The following MAP3K20 variants were observed in gnomAD, a reference collection of about 807,000 sequenced individuals.
MAP3K20 encodes HCCS-4.
In MAP3K20, 40 loss-of-function variants were observed where a neutral mutation model predicts 85.7. The observed-to-expected ratio is 0.47, with a 90% confidence interval of 0.36 to 0.61. MAP3K20 has a LOEUF of 0.61. MAP3K20 is among the 20% of genes least tolerant of loss of function. The pLI, the probability that MAP3K20 is intolerant of heterozygous loss-of-function variation, is 0.00. For missense variants in MAP3K20, 817 were observed against 961.7 expected, an observed-to-expected ratio of 0.85 and a Z score of 1.99; for synonymous variants, 325 against 327.7, an observed-to-expected ratio of 0.99 and a Z score of 0.09.
chr2:173,127,718 A>G (rs544929267), intron 2 of MAP3K20, among the ~76,000 whole-genome samples: 1 of 143,886 alleles, frequency 6.9e-6, no homozygotes, highest in Admixed American at 6.9e-5. Context: ...CATCAGTAAA[A>G]TTTATCCTAT....
At chr2:173,209,593 A>G in intron 9 of MAP3K20, 136 bp from the exon 10 acceptor site, 1 of 651,532 alleles carries the variant, frequency 1.5e-6, no homozygotes. Context: ...TAAAATAACT[A>G]CATCAGGACA....
chr2:173,258,566 A>G, intron 16 of MAP3K20, 133 bp from the exon 17 acceptor site: 1 of 577,582 alleles, frequency 1.7e-6, no homozygotes, highest in Non-Finnish European at 3.0e-6. Flanking sequence ...ATGTCCTTTT[A>G]TTGAAAAAGG....
rs1447119403 is a variant in MAP3K20 at position 173,223,757 on chromosome 2, C to G, written c.988-5932C>G. ...CATGCTACTAGTTTCTCTGTCTATTCACACATATGTACAAATACATGAACA... is the reference window on the plus strand; with the variant it reads ...CATGCTACTAGTTTCTCTGTCTATTGACACATATGTACAAATACATGAACA... On this transcript the variant is annotated intron_variant, in intron 11 of 19. Transcript: ENST00000375213. The G allele has an allele frequency of 3.0e-6, 3 of 985,278 alleles. No individual in the cohort carries two copies. In the African/African-American group the frequency reaches 5.2e-5, roughly 17 times the overall value. 61.0% of individuals were successfully genotyped at this position (985,278 alleles called of 1,614,324 possible).
intron 2 of MAP3K20, among the ~76,000 whole-genome samples, chr2:173,111,533 C>T (rs1326054708): frequency 6.6e-6 from 1 of 152,130 alleles, no homozygotes; most frequent in Non-Finnish European, 1.5e-5. Context: ...CCAATGTTAC[C>T]TTCTAGAATT....
chr2:173,222,362 G>A (rs1289852280), intron 11 of MAP3K20: 23 of 985,748 alleles, frequency 2.3e-5, no homozygotes, highest in Non-Finnish European at 2.3e-5. Context: ...CCTGAGCAGT[G>A]TTCTCAGTAA....
intron 11 of MAP3K20, chr2:173,227,086 ACTTTT>A (rs1363318103): frequency 2.0e-6 from 2 of 985,844 alleles, no homozygotes; most frequent in Non-Finnish European, 2.4e-6. Context: ...TTTGATGTGA[ACTTTT>A]CTTTGCTTTC....
At chr2:173,223,343 T>C (rs113155076) in intron 11 of MAP3K20, 57 of 873,760 alleles carry the variant, frequency 6.5e-5, no homozygotes, top group Non-Finnish European at 7.6e-5. Context: ...GTGGGAATAA[T>C]AACAGTACCT....
At chr2:173,178,052 C>T (rs1457995313) in intron 3 of MAP3K20, among the ~76,000 whole-genome samples, 1 of 151,904 alleles carries the variant, frequency 6.6e-6, no homozygotes, top group African/African-American at 2.4e-5. Flanking sequence ...TTAATCTTTC[C>T]AAAGACTAAA....
chr2:173,217,052 A>G, intron 10 of MAP3K20, 63 bp from the exon 11 acceptor site: 1 of 1,341,332 alleles, frequency 7.5e-7, no homozygotes, highest in Non-Finnish European at 9.7e-7. Context: ...ATTCTGATGG[A>G]CCCACTAAGC....
intron 2 of MAP3K20, among the ~76,000 whole-genome samples, chr2:173,153,171 G>C (rs547533979): frequency 6.6e-6 from 1 of 152,094 alleles, no homozygotes; most frequent in Non-Finnish European, 1.5e-5. Flanking sequence ...GCTGATAATC[G>C]ATTTACCTAC....
chr2:173,103,612 C>T (rs1483080767), intron 2 of MAP3K20, among the ~76,000 whole-genome samples: 4 of 152,162 alleles, frequency 2.6e-5, no homozygotes, highest in Non-Finnish European at 4.4e-5. Context: ...AAAAAATTAA[C>T]ATTTCTTTAG....
chr2:173,116,625 C>G (rs142972444), intron 2 of MAP3K20, among the ~76,000 whole-genome samples: 131 of 152,318 alleles, frequency 8.6e-4, no homozygotes, highest in Non-Finnish European at 1.4e-3. Flanking sequence ...TCCCACCTTG[C>G]GTGTCTTTAT....
At chr2:173,210,850 G>C (rs1471415128) in intron 10 of MAP3K20, 1 of 152,092 alleles carries the variant, frequency 6.6e-6, no homozygotes, top group African/African-American at 2.4e-5. Flanking sequence ...CCTGTTACTA[G>C]ATACTTCTTT....
At chr2:173,212,468 A>G (rs1330127621) in intron 10 of MAP3K20, 1 of 152,188 alleles carries the variant, frequency 6.6e-6, no homozygotes, top group Non-Finnish European at 1.5e-5. Context: ...CGAAGGGATT[A>G]GTAAGATTTT....
chr2:173,110,226 TATATATATATA>T (rs1280534676), intron 2 of MAP3K20, among the ~76,000 whole-genome samples: 29 of 10,932 alleles, frequency 2.7e-3, no homozygotes, highest in Non-Finnish European at 3.5e-3. Flanking sequence ...TATATATATA[TATATATATATA>T]TATATTTTTT....
intron 9 of MAP3K20, among the ~76,000 whole-genome samples, chr2:173,205,500 A>C (rs1683654674): frequency 6.6e-6 from 1 of 152,204 alleles, no homozygotes; most frequent in African/African-American, 2.4e-5. Flanking sequence ...ATTGTTCTGC[A>C]CTGAGCACAA....
intron 1 of MAP3K20, 136 bp downstream of exon 1, chr2:173,076,138 G>C (rs1686848908): frequency 1.7e-6 from 1 of 598,000 alleles, no homozygotes; most frequent in Non-Finnish European, 2.1e-6. Flanking sequence ...GAGGCTCCTC[G>C]GGGCTCCCCT....
intron 16 of MAP3K20, among the ~76,000 whole-genome samples, chr2:173,254,726 A>G (rs1685120947): frequency 6.6e-6 from 1 of 152,216 alleles, no homozygotes; most frequent in East Asian, 1.9e-4. Context: ...GACAATCCTC[A>G]CTGACAATTT....
intron 2 of MAP3K20, among the ~76,000 whole-genome samples, chr2:173,135,836 G>A (rs1688784785): frequency 6.6e-6 from 1 of 152,106 alleles, no homozygotes; most frequent in South Asian, 2.1e-4. Context: ...CTTGATATGA[G>A]TGACAACTTA....
Sources: allele counts gnomAD v4.1 joint callset (sites outside exome capture counted in the v4.1 genomes callset), GRCh38; gene constraint gnomAD v4.1.1; transcripts MANE v1.5; gene names NCBI Gene and HGNC (gene_info 2026-07-23, HGNC 2026-07-21).